The following HELZ variants were observed in gnomAD, a reference collection of about 807,000 sequenced individuals.
HELZ encodes the protein ATP-dependent RNA helicase with zinc finger domain.
HELZ carries 23 observed loss-of-function variants against 218.2 expected under a neutral mutation model. The ratio of observed to expected loss-of-function variants is 0.11; its 90% CI spans 0.08 to 0.15. HELZ has a LOEUF of 0.15. Among genes scored for constraint, HELZ ranks in the 10% least tolerant of loss-of-function variants. The probability of loss-of-function intolerance (pLI) is 1.00; values close to 1 mark genes in which losing one functional copy is unlikely to be tolerated. For synonymous variants in HELZ, 814 were observed against 829.4 expected (o/e 0.98, Z 0.32); for missense variants, 1,813 against 2,353.7 (o/e 0.77, Z 4.75).
intron 13 of HELZ, among the ~76,000 whole-genome samples, chr17:67,170,909 C>G (rs997548383): frequency 3.3e-5 from 5 of 151,882 alleles, no homozygotes; most frequent in African/African-American, 1.2e-4. Flanking sequence ...CTTTTACTAC[C>G]TATATAATAT....
At position 67,190,358 on chromosome 17, in the gene HELZ, A is replaced by G. The variant is rs1411747811; in HGVS notation, c.558-3T>C. On this transcript the variant is annotated splice_region_variant and splice_polypyrimidine_tract_variant and intron_variant, in intron 9 of 32. Coordinates refer to ENST00000358691, the MANE Select transcript of HELZ (RefSeq NM_014877.4). ...TACAGATTCCTTGTTCTAAAAATCT[A>G]AGTAGAATAGGAAAGACTGTTTTAT... 2 of 1,604,230 alleles carry G rather than the reference A, an allele frequency of 1.2e-6. No individual in the cohort carries two copies. Among genetic ancestry groups the G allele is most frequent in the Non-Finnish European group, 1.7e-6 (2 of 1,170,976 alleles).
At chr17:67,206,590 T>C (rs1418054653) in intron 5 of HELZ, among the ~76,000 whole-genome samples, 2 of 148,994 alleles carry the variant, frequency 1.3e-5, no homozygotes, top group Admixed American at 1.3e-4. Context: ...AATATGACCA[T>C]ATTAGGACTT....
chr17:67,142,261 C>T (rs1440127966), intron 21 of HELZ, among the ~76,000 whole-genome samples: 1 of 151,816 alleles, frequency 6.6e-6, no homozygotes, highest in East Asian at 1.9e-4. Flanking sequence ...AATTCCAGAA[C>T]TTTGGGAGGC....
chr17:67,110,650 G>A lies in HELZ; in HGVS notation c.3919-964C>T, dbSNP rs191984938. ...CCTAGTGCAGGCGTCTATATACCAT[G>A]CCCCCACTCCAATGCCATTTCCGGC... On this transcript the variant is annotated intron_variant, in intron 28 of 32. Coordinates refer to ENST00000358691, the MANE Select transcript of HELZ (RefSeq NM_014877.4). Among the ~76,000 whole-genome samples the A allele has an allele frequency of 3.1e-3, 477 of 152,238 alleles. 4 individuals carry two copies. Among genetic ancestry groups the A allele is most frequent in the Non-Finnish European group, 4.1e-3 (279 of 68,018 alleles).
At chr17:67,167,343 T>A (rs1257563501) in intron 14 of HELZ, 120 bp downstream of exon 14, 1 of 705,914 alleles carries the variant, frequency 1.4e-6, no homozygotes, top group Admixed American at 2.7e-5. Flanking sequence ...CCCACCACTG[T>A]AGACTTCAAA....
chr17:67,077,782 A>T lies in HELZ; in HGVS notation c.*470T>A, dbSNP rs1012937149. ...ATGCTGCCCCTTTATTTTAAAAAAA[A>T]TTTAAATGAATTTAAGCAAAAATAA... On this transcript the variant is annotated 3_prime_UTR_variant, in exon 33 of 33. Transcript: ENST00000358691. 4 of 152,316 alleles carry T rather than the reference A, an allele frequency of 2.6e-5. No individual in the cohort carries two copies. The highest frequency in any genetic ancestry group is 5.9e-5 in the Non-Finnish European group (4 of 68,014). The allele number at this position is 152,316 out of a possible 1,614,324, so 9.4% of individuals were successfully genotyped here.
chr17:67,155,684 A>C (rs563419497), intron 17 of HELZ, among the ~76,000 whole-genome samples: 1 of 152,116 alleles, frequency 6.6e-6, no homozygotes, highest in South Asian at 2.1e-4. Context: ...TAAAAACACA[A>C]AAGTTAACTG....
intron 8 of HELZ, 24 bp from the exon 9 acceptor site, chr17:67,194,066 C>CT: frequency 1.3e-6 from 2 of 1,544,046 alleles, no homozygotes; most frequent in South Asian, 2.3e-5. Flanking sequence ...AGGATATAGT[C>CT]TTATCATTTG....
At chr17:67,123,262 C>G in intron 25 of HELZ, 102 bp from the exon 26 acceptor site, 2 of 645,074 alleles carry the variant, frequency 3.1e-6, no homozygotes, top group Non-Finnish European at 4.8e-6. Flanking sequence ...CCCAGGTTTG[C>G]CTAAGATATC....
At chr17:67,081,900 GCA>G (rs1302873037) in intron 32 of HELZ, among the ~76,000 whole-genome samples, 9 of 29,726 alleles carry the variant, frequency 3.0e-4, no homozygotes, top group Non-Finnish European at 6.4e-4. Context: ...ACATAGAAGA[GCA>G]GAGTGATCAG....
In HELZ at chr17:67,188,171, A is replaced by G. The variant is rs550673857; in HGVS notation, c.1162+148T>C. 4.2e-5 allele frequency: 30 copies of G among 707,260 alleles called. No individual in the cohort carries two copies. Among genetic ancestry groups the G allele is most frequent in the Admixed American group, 2.0e-4 (7 of 35,194 alleles). 43.8% of individuals were successfully genotyped at this position (707,260 alleles called of 1,614,324 possible). A position where few individuals can be genotyped will look rare whatever the true frequency, so the allele number is the denominator to read the frequency against. On this transcript the variant is annotated intron_variant, in intron 12 of 32. Coordinates refer to ENST00000358691, the MANE Select transcript of HELZ (RefSeq NM_014877.4). This position sits in a 1 kb window ranked among gnomAD's most constrained non-coding sequence, Gnocchi z 4.1. ...GCACAGTGTGAATCATTATAAGCCC[A>G]TTACACAGTAAATGAGTCAATTAAG...
chr17:67,180,599 G>A (rs143104114), intron 12 of HELZ, among the ~76,000 whole-genome samples: 3 of 152,034 alleles, frequency 2.0e-5, no homozygotes, highest in Admixed American at 6.6e-5. Context: ...CAAAAATTGC[G>A]GGGCACAATG....
chr17:67,144,462 A>G lies in HELZ; in HGVS notation c.2769+1281T>C, dbSNP rs1403521257. Among the ~76,000 whole-genome samples, 4 of 151,200 alleles carry G rather than the reference A, an allele frequency of 2.6e-5. No individual in the cohort carries two copies. In the East Asian group the frequency reaches 5.9e-4, roughly 22 times the overall value. On this transcript the variant is annotated intron_variant, in intron 21 of 32. Coordinates refer to ENST00000358691, the MANE Select transcript of HELZ (RefSeq NM_014877.4). ...ACCTTTAAAGTGAGCTGTCTTTGTG[A>G]TCTTTTAATACGAACAAATATTAAA...
chr17:67,236,224 A>G (rs1468999028), intron 3 of HELZ, among the ~76,000 whole-genome samples: 2 of 152,226 alleles, frequency 1.3e-5, no homozygotes, highest in Admixed American at 1.3e-4. Context: ...CAAAGAAATG[A>G]AAGTGCCATT....
In HELZ at chr17:67,244,953, C is replaced by T. The variant is rs1261838782; in HGVS notation, c.-132+195G>A. 4.1e-6 allele frequency: 4 copies of T among 985,766 alleles called. No homozygotes were observed. The African/African-American group carries it at 5.2e-5, about 13-fold the overall frequency. The allele number at this position is 985,766 out of a possible 1,614,324, so 61.1% of individuals were successfully genotyped here. A position where few individuals can be genotyped will look rare whatever the true frequency, so the allele number is the denominator to read the frequency against. Reference sequence around the variant, plus strand: ...AAGTAGGGGAAGAAGCTGTAAACAGCCCCAGCGTCCGGGCCTCGCCTCGAA... The same window carrying T: ...AAGTAGGGGAAGAAGCTGTAAACAGTCCCAGCGTCCGGGCCTCGCCTCGAA... On this transcript the variant is annotated intron_variant, in intron 1 of 32. Transcript: ENST00000358691.
At chr17:67,229,565 A>C (rs1389208952) in intron 3 of HELZ, among the ~76,000 whole-genome samples, 1 of 152,198 alleles carries the variant, frequency 6.6e-6, no homozygotes, top group Non-Finnish European at 1.5e-5. Flanking sequence ...CTTTATCCCC[A>C]TGACAACCAT....
At chr17:67,203,080 C>A (rs1449431663) in intron 6 of HELZ, among the ~76,000 whole-genome samples, 1 of 151,750 alleles carries the variant, frequency 6.6e-6, no homozygotes, top group Non-Finnish European at 1.5e-5. Flanking sequence ...AGTGATCACA[C>A]CACTTTACTC....
intron 3 of HELZ, among the ~76,000 whole-genome samples, chr17:67,222,729 C>T (rs138934942): frequency 2.0e-5 from 3 of 152,244 alleles, no homozygotes; most frequent in Non-Finnish European, 4.4e-5. Context: ...AGCATAAAAG[C>T]AAAACTGTCT....
At chr17:67,147,636 C>A (rs947495309) in intron 20 of HELZ, among the ~76,000 whole-genome samples, 1 of 151,454 alleles carries the variant, frequency 6.6e-6, no homozygotes, top group African/African-American at 2.4e-5. Context: ...TGCCACCATG[C>A]CCTGCTAATT....
Sources: allele counts gnomAD v4.1 joint callset (sites outside exome capture counted in the v4.1 genomes callset), GRCh38; gene constraint gnomAD v4.1.1; non-coding constraint Gnocchi (gnomAD v3.1); transcripts MANE v1.5; gene names NCBI Gene and HGNC (gene_info 2026-07-23, HGNC 2026-07-21).